Variants in FREM3 observed in about 807,000 individuals in gnomAD.
FREM3 encodes the protein FRAS1-related extracellular matrix protein 3.
Under a neutral mutation model 129.1 loss-of-function variants are expected in FREM3, and 105 were observed. The ratio of observed to expected loss-of-function variants is 0.81; its 90% CI spans 0.69 to 0.96. The LOEUF (loss-of-function observed/expected upper bound fraction) is 0.96, where lower values mean the gene tolerates loss of function less well. Ranked by LOEUF, FREM3 falls within the 40% of genes least tolerant of loss-of-function variation. The pLI is 0.00. For missense variants in FREM3, 2,593 were observed against 2,666.3 expected (o/e 0.97, Z 0.61); for synonymous variants, 1,014 against 1,044.9 (o/e 0.97, Z 0.57).
At chr4:143,659,829 C>T (rs1359229198) in intron 2 of FREM3, among the ~76,000 whole-genome samples, 2 of 151,244 alleles carry the variant, frequency 1.3e-5, no homozygotes, top group Non-Finnish European at 3.0e-5. Flanking sequence ...TCTCTGATGG[C>T]CAGTGATGAT....
intron 2 of FREM3, among the ~76,000 whole-genome samples, chr4:143,655,515 C>T (rs1739585043): frequency 6.6e-6 from 1 of 152,172 alleles, no homozygotes; most frequent in Admixed American, 6.5e-5. Flanking sequence ...CTTCTCAGTA[C>T]TCTGAAGTTA....
Position 143,696,484 on chromosome 4 carries a change from T to A in FREM3, c.4192A>T (p.Ile1398Phe). The A allele has an allele frequency of 5.9e-6, 9 of 1,537,700 alleles. No individual in the cohort carries two copies. The highest frequency in any genetic ancestry group is 6.1e-6 in the Non-Finnish European group (7 of 1,147,016). The stretch of plus-strand genomic sequence containing the variant: ...CCATCAGTAACATCAAACTTGATAA[T>A]GTCAACAATCCCTTCTTGGCCTGTG... ...IHTGQEGIVD[I>F]IKFDVTDGVN... Residue 1398 changes from isoleucine to phenylalanine, a missense_variant, in exon 1 of 8, where the codon ATT becomes TTT. Physicochemically the swap from Ile to Phe is conservative, Grantham distance 21. Transcript: ENST00000329798.
chr4:143,672,482 C>T (rs1740016821), intron 2 of FREM3, among the ~76,000 whole-genome samples: 1 of 152,186 alleles, frequency 6.6e-6, no homozygotes. Flanking sequence ...GATGGACTTC[C>T]CTTTGTGGGT....
At chr4:143,583,211 A>G (rs866183259) in intron 7 of FREM3, among the ~76,000 whole-genome samples, 16 of 152,210 alleles carry the variant, frequency 1.1e-4, no homozygotes, top group Admixed American at 4.6e-4. Context: ...CTGAGGAAAG[A>G]ATCTCATAGC....
intron 6 of FREM3, among the ~76,000 whole-genome samples, chr4:143,587,846 T>TA (rs1738269063): frequency 6.6e-6 from 1 of 152,216 alleles, no homozygotes; most frequent in South Asian, 2.1e-4. Flanking sequence ...GCTGATCACT[T>TA]AATCATTCCT....
In FREM3 at chr4:143,696,873, T is replaced by C; in HGVS notation, c.3803A>G (p.Tyr1268Cys). The change falls in exon 1 of 8, where the codon TAT becomes TGT. Residue 1268 changes from tyrosine to cysteine, a missense_variant. Around this residue, in one of 2 missense-constraint regions of FREM3, gnomAD observed 2,276 missense variants for 2,267.2 expected, o/e 1.00. Transcript: ENST00000329798. ...TTTTGTCTCTGAGTCATCATGCTCA[T>C]ACACAATGGTGGAGGCCTCCTGGAT... ...KEIQEASTIV[Y>C]EHDDSETKED... 2 of 1,537,732 alleles carry C rather than the reference T, an allele frequency of 1.3e-6. No homozygotes were observed. Among genetic ancestry groups the C allele is most frequent in the South Asian group, 2.4e-5 (2 of 84,054 alleles).
chr4:143,594,047 C>T (rs1738418611), intron 6 of FREM3, among the ~76,000 whole-genome samples: 1 of 152,208 alleles, frequency 6.6e-6, no homozygotes, highest in African/African-American at 2.4e-5. Flanking sequence ...ATATAATCTC[C>T]TGGTGTGCCG....
Position 143,700,581 on chromosome 4 carries a change from C to T in FREM3, c.95G>A (p.Arg32Gln), listed in dbSNP as rs778384314. 2 of 1,494,204 alleles carry T rather than the reference C, an allele frequency of 1.3e-6. No homozygotes were observed. The highest frequency in any genetic ancestry group is 1.4e-5 in the African/African-American group (1 of 71,606). The allele number at this position is 1,494,204 out of a possible 1,614,324, so 92.6% of individuals were successfully genotyped here. ...LLLSRPALQG[R>Q]ASSLGTEPDP... ...GGGCTCGGTCCCAAGTGAGGATGCC[C>T]GTCCCTGCAGCGCGGGGCGACTCAA... The change falls in exon 1 of 8, where the codon CGG becomes CAG. Residue 32 changes from arginine (R) to glutamine (Q), a missense_variant. Physicochemically the swap from Arg to Gln is conservative, Grantham distance 43. This residue lies in a region of FREM3 where 2,276 missense variants were observed against 2,267.2 expected (regional missense o/e 1.00). Coordinates refer to ENST00000329798, the MANE Select transcript of FREM3 (RefSeq NM_001168235.2).
At chr4:143,658,124 T>G (rs1488477742) in intron 2 of FREM3, among the ~76,000 whole-genome samples, 3 of 152,212 alleles carry the variant, frequency 2.0e-5, no homozygotes, top group African/African-American at 7.2e-5. Flanking sequence ...GCAAACAAAG[T>G]TATGTGTGCA....
At chr4:143,683,015 C>A (rs923476830) in intron 2 of FREM3, among the ~76,000 whole-genome samples, 5 of 152,076 alleles carry the variant, frequency 3.3e-5, no homozygotes, top group African/African-American at 1.2e-4. Context: ...AGTGATGCAG[C>A]AGGAGAAAGA....
intron 2 of FREM3, among the ~76,000 whole-genome samples, chr4:143,690,999 T>C (rs1330492369): frequency 6.6e-6 from 1 of 152,194 alleles, no homozygotes; most frequent in Non-Finnish European, 1.5e-5. Context: ...CATTCCAGCC[T>C]GGGCAACATA....
At position 143,700,490 on chromosome 4, in the gene FREM3, C is replaced by T; in HGVS notation, c.186G>A (p.Val62=). ...CCCGGAGTCCAGGGTTGGCAATCAG[C>T]ACGCTGGGGCCGTCGGGGCGAGTGC... ...LDGTRPDGPS[V]LIANPGLRVP... The change falls in exon 1 of 8, where the codon GTG becomes GTA. Residue 62 remains valine, a synonymous_variant. Transcript: ENST00000329798. 1 of 1,510,014 alleles carries T rather than the reference C, an allele frequency of 6.6e-7. No individual in the cohort carries two copies. Among genetic ancestry groups the T allele is most frequent in the Non-Finnish European group, 8.8e-7 (1 of 1,132,016 alleles). 93.5% of individuals were successfully genotyped at this position (1,510,014 alleles called of 1,614,324 possible).
intron 6 of FREM3, among the ~76,000 whole-genome samples, chr4:143,597,791 G>A (rs1275482488): frequency 6.6e-6 from 1 of 152,158 alleles, no homozygotes; most frequent in Non-Finnish European, 1.5e-5. Context: ...CAAATGGAAA[G>A]ACATCCTGTG....
chr4:143,578,981 G>C (rs1464289684), intron 7 of FREM3, among the ~76,000 whole-genome samples: 1 of 151,772 alleles, frequency 6.6e-6, no homozygotes, highest in African/African-American at 2.4e-5. Context: ...CTTGTTTTGT[G>C]GTTATACAAG....
At chr4:143,612,256 C>A (rs771916215) in intron 5 of FREM3, among the ~76,000 whole-genome samples, 1 of 152,196 alleles carries the variant, frequency 6.6e-6, no homozygotes, top group Non-Finnish European at 1.5e-5. Flanking sequence ...TCCCTGTCTC[C>A]CAGGCCTTGG....
intron 2 of FREM3, among the ~76,000 whole-genome samples, chr4:143,630,456 C>G (rs1378963843): frequency 6.6e-6 from 1 of 152,112 alleles, no homozygotes; most frequent in African/African-American, 2.4e-5. Context: ...ATTTCATATT[C>G]CTTTGCAATC....
intron 5 of FREM3, among the ~76,000 whole-genome samples, chr4:143,619,167 A>G (rs1326025154): frequency 6.6e-6 from 1 of 152,106 alleles, no homozygotes; most frequent in Non-Finnish European, 1.5e-5. Context: ...AAAAGCTCCA[A>G]CCTCAGATTA....
At chr4:143,671,004 C>G (rs1739955171) in intron 2 of FREM3, among the ~76,000 whole-genome samples, 1 of 152,072 alleles carries the variant, frequency 6.6e-6, no homozygotes, top group Non-Finnish European at 1.5e-5. Flanking sequence ...GCTATTTGTT[C>G]TGGCTCATAA....
At chr4:143,659,065 T>C (rs1739652531) in intron 2 of FREM3, among the ~76,000 whole-genome samples, 1 of 143,454 alleles carries the variant, frequency 7.0e-6, no homozygotes, top group Admixed American at 7.2e-5. Flanking sequence ...CACTTGAATT[T>C]CTTTATTTTA....
Sources: allele counts gnomAD v4.1 joint callset (sites outside exome capture counted in the v4.1 genomes callset), GRCh38; gene constraint gnomAD v4.1.1; regional missense constraint gnomAD v4.1.1; transcripts MANE v1.5; gene names NCBI Gene and HGNC (gene_info 2026-07-23, HGNC 2026-07-21).